ZRANB1: variants seen among roughly 807,000 people sequenced by gnomAD.
ZRANB1 encodes the protein zinc finger RANBP2-type containing 1, also known as ubiquitin thioesterase ZRANB1.
Under a neutral mutation model 80.5 loss-of-function variants are expected in ZRANB1, and 16 were observed. That is an observed-to-expected ratio of 0.20 (90% CI 0.13 to 0.30). The LOEUF is 0.30. Ranked by LOEUF, ZRANB1 falls within the 10% of genes least tolerant of loss-of-function variation. ZRANB1 has a pLI of 1.00. For missense variants in ZRANB1, 576 were observed against 862.6 expected, an observed-to-expected ratio of 0.67 and a Z score of 4.16; for synonymous variants, 291 against 293.1, an observed-to-expected ratio of 0.99 and a Z score of 0.07.
the ZRANB1 span, among the ~76,000 whole-genome samples, chr10:124,916,933 G>A: frequency 9.9e-5 from 15 of 151,812 alleles, no homozygotes; most frequent in Admixed American, 1.3e-4. Context: ...ATTAGGGTCC[G>A]CAGCGCCCGC....
the ZRANB1 span, among the ~76,000 whole-genome samples, chr10:124,923,461 G>C: frequency 6.6e-6 from 1 of 151,780 alleles, no homozygotes; most frequent in African/African-American, 2.4e-5. Context: ...GGGCGTGGTG[G>C]TGCGCACCTG....
intron 4 of ZRANB1, 71 bp from the exon 5 acceptor site, chr10:124,974,129 T>G: frequency 9.4e-6 from 14 of 1,488,542 alleles, no homozygotes; most frequent in Non-Finnish European, 1.3e-5. Context: ...AGAAAATAGG[T>G]TCTTCTCCCC....
chr10:124,940,931 T>C (rs1951529884), upstream of ZRANB1, among the ~76,000 whole-genome samples: 1 of 151,894 alleles, frequency 6.6e-6, no homozygotes, highest in African/African-American at 2.4e-5. Flanking sequence ...GAGCTTAGAT[T>C]GCACCACTCC....
chr10:124,954,138 C>CCGTTTT, intron 1 of ZRANB1, among the ~76,000 whole-genome samples: 1 of 111,178 alleles, frequency 9.0e-6, no homozygotes, highest in African/African-American at 4.2e-5. Context: ...CAGCTAATTC[C>CCGTTTT]TGTTTTTTTT....
the ZRANB1 span, among the ~76,000 whole-genome samples, chr10:124,920,286 C>G: frequency 6.6e-6 from 1 of 152,186 alleles, no homozygotes; most frequent in African/African-American, 2.4e-5. Context: ...CAATAATAAT[C>G]TCTTGTGTCT....
rs1952004416 is a variant in ZRANB1 at position 124,985,127 on chromosome 10, G to C, written c.*135G>C. 1 of 669,130 alleles carries C rather than the reference G, an allele frequency of 1.5e-6. No homozygotes were observed. The highest frequency in any genetic ancestry group is 2.6e-6 in the Non-Finnish European group (1 of 389,608). The allele number at this position is 669,130 out of a possible 1,614,324, so 41.4% of individuals were successfully genotyped here. On this transcript the variant is annotated 3_prime_UTR_variant, in exon 9 of 9. Coordinates refer to ENST00000359653, the MANE Select transcript of ZRANB1 (RefSeq NM_017580.3). ...GATCTGCTCGGGGAAGTGTTTTCCTGGACCACACACACCTTATGGAGATAA... is the reference window on the plus strand; with the variant it reads ...GATCTGCTCGGGGAAGTGTTTTCCTCGACCACACACACCTTATGGAGATAA...
intron 5 of ZRANB1, among the ~76,000 whole-genome samples, chr10:124,978,165 C>A (rs1461178175): frequency 1.3e-5 from 2 of 152,098 alleles, no homozygotes; most frequent in African/African-American, 4.8e-5. Flanking sequence ...ATACATAGTT[C>A]TTGTGTTGAG....
chr10:124,983,815 G>A lies in ZRANB1; in HGVS notation c.1908+127G>A. 1 of 699,046 alleles carries A rather than the reference G, an allele frequency of 1.4e-6. No individual in the cohort carries two copies. The highest frequency in any genetic ancestry group is 2.7e-5 in the Admixed American group (1 of 36,596). 43.3% of individuals were successfully genotyped at this position (699,046 alleles called of 1,614,324 possible). A position where few individuals can be genotyped will look rare whatever the true frequency, so the allele number is the denominator to read the frequency against. On this transcript the variant is annotated intron_variant, in intron 8 of 8. Coordinates refer to ENST00000359653, the MANE Select transcript of ZRANB1 (RefSeq NM_017580.3). This position sits in a 1 kb window ranked among gnomAD's most constrained non-coding sequence, Gnocchi z 6.2. ...TCTGAATGTGATGGTAGTAATTGCT[G>A]AAGGTACTAGCTATACTTTGAAATT...
chr10:124,976,687 T>C (rs934704774), intron 5 of ZRANB1, among the ~76,000 whole-genome samples: 7 of 146,284 alleles, frequency 4.8e-5, no homozygotes, highest in Non-Finnish European at 1.0e-4. Context: ...TTCTCGTGCC[T>C]CAGCCTTCGA....
At chr10:124,924,069 G>A in the ZRANB1 span, among the ~76,000 whole-genome samples, 1 of 151,710 alleles carries the variant, frequency 6.6e-6, no homozygotes, top group Admixed American at 6.6e-5. Context: ...AATGTGGGTG[G>A]TCTCTTTCTT....
Position 124,966,615 on chromosome 10 carries a change from C to T in ZRANB1, c.836C>T (p.Ala279Val), listed in dbSNP as rs922928360. 26 of 1,613,156 alleles carry T rather than the reference C, an allele frequency of 1.6e-5. No individual in the cohort carries two copies. Among genetic ancestry groups the T allele is most frequent in the Non-Finnish European group, 2.2e-5 (26 of 1,179,446 alleles). Reference protein sequence around the residue: ...ACVGVVEGDLAAIEAYKSSGG... With the variant: ...ACVGVVEGDLVAIEAYKSSGG... ...TTAGGGGTTGTAGAAGGTGATTTAG[C>T]TGCCATAGAAGCATACAAGTCATCA... The change falls in exon 2 of 9, where the codon GCT (alanine) becomes GTT (valine). Residue 279 changes from alanine (A) to valine (V), a missense_variant. By Grantham distance (64) the Ala-to-Val change is moderately conservative (BLOSUM62 0). Around this residue, in one of 3 missense-constraint regions of ZRANB1, gnomAD observed 411 missense variants for 583.1 expected, o/e 0.70. Transcript: ENST00000359653.
the ZRANB1 span, among the ~76,000 whole-genome samples, chr10:124,920,142 C>T: frequency 3.3e-5 from 5 of 150,440 alleles, no homozygotes; most frequent in African/African-American, 9.8e-5. Flanking sequence ...AGGCTGGTCT[C>T]GAACTCCTGA....
At chr10:124,937,850 G>T (rs768095030), upstream of ZRANB1, among the ~76,000 whole-genome samples, 1 of 152,164 alleles carries the variant, frequency 6.6e-6, no homozygotes, top group Non-Finnish European at 1.5e-5. Context: ...TGGATTCCTG[G>T]TCTCCTTGGT....
chr10:124,929,250 A>C, the ZRANB1 span, among the ~76,000 whole-genome samples: 1 of 152,044 alleles, frequency 6.6e-6, no homozygotes, highest in Non-Finnish European at 1.5e-5. Flanking sequence ...GTTGTGGTGC[A>C]TTAGCAAGAG....
At chr10:124,925,937 G>C in the ZRANB1 span, among the ~76,000 whole-genome samples, 1 of 152,210 alleles carries the variant, frequency 6.6e-6, no homozygotes, top group Non-Finnish European at 1.5e-5. Flanking sequence ...ATAGCCTACT[G>C]CACAGTAGGC....
At chr10:124,974,550 C>A in intron 5 of ZRANB1, 152 bp downstream of exon 5, 1 of 746,176 alleles carries the variant, frequency 1.3e-6, no homozygotes, top group Non-Finnish European at 2.1e-6. Context: ...TTGAACACGT[C>A]CATGGTTTCT....
upstream of ZRANB1, among the ~76,000 whole-genome samples, chr10:124,938,307 G>A (rs1951505237): frequency 6.6e-6 from 1 of 151,944 alleles, no homozygotes. Context: ...AGGTAGAAAT[G>A]GCTGTCTCAG....
chr10:124,980,780 T>C (rs546828984), intron 5 of ZRANB1, among the ~76,000 whole-genome samples: 7 of 152,334 alleles, frequency 4.6e-5, no homozygotes, highest in African/African-American at 1.7e-4. Context: ...AACTTTTTTT[T>C]TCCCCCCGCA....
chr10:124,978,595 G>GA (rs112925586), intron 5 of ZRANB1, among the ~76,000 whole-genome samples: 4,119 of 151,854 alleles, frequency 0.027, 177 homozygotes, highest in African/African-American at 0.093. Flanking sequence ...GTTAATTGGG[G>GA]AAAAAAATCA....
Sources: gnomAD v4.1 joint callset for allele counts (sites outside exome capture counted in the v4.1 genomes callset) on GRCh38, gnomAD v4.1.1 for gene constraint, gnomAD v4.1.1 regional missense constraint, Gnocchi (gnomAD v3.1) non-coding constraint, MANE v1.5 for transcripts, NCBI Gene and HGNC (gene_info 2026-07-23, HGNC 2026-07-21) for gene names.